Variants in CSMD1 observed in about 807,000 individuals in gnomAD.
CSMD1 encodes the protein CUB and Sushi multiple domains 1.
In CSMD1, 213 loss-of-function variants were observed where a neutral mutation model predicts 417.5. The ratio of observed to expected loss-of-function variants is 0.51; its 90% CI spans 0.46 to 0.57. The LOEUF (loss-of-function observed/expected upper bound fraction) is 0.57, where lower values mean the gene tolerates loss of function less well. Among genes scored for constraint, CSMD1 ranks in the 20% least tolerant of loss-of-function variants. The pLI is 0.00. For missense variants in CSMD1, 6,923 were observed against 4,529.7 expected (o/e 1.53, Z -15.17); for synonymous variants, 2,862 against 1,736.8 (o/e 1.65, Z -16.11).
intron 2 of CSMD1, among the ~76,000 whole-genome samples, chr8:4,475,951 C>T (rs987362304): frequency 2.0e-5 from 3 of 152,016 alleles, no homozygotes; most frequent in Non-Finnish European, 2.9e-5. Flanking sequence ...CTGTTGGTTT[C>T]ATTTTGTTGT....
At chr8:3,827,315 T>C (rs142510057) in intron 5 of CSMD1, among the ~76,000 whole-genome samples, 1 of 152,222 alleles carries the variant, frequency 6.6e-6, no homozygotes, top group African/African-American at 2.4e-5. Context: ...AAAGGCTCTA[T>C]ATAAAAGAAT....
chr8:4,793,164 T>A (rs762061592), intron 1 of CSMD1, among the ~76,000 whole-genome samples: 1 of 152,134 alleles, frequency 6.6e-6, no homozygotes, highest in Non-Finnish European at 1.5e-5. Flanking sequence ...TAACCTTCAA[T>A]GTCCTTGATC....
chr8:3,609,290 C>A (rs1426787648), intron 8 of CSMD1, among the ~76,000 whole-genome samples: 2 of 152,208 alleles, frequency 1.3e-5, no homozygotes, highest in Non-Finnish European at 2.9e-5. Context: ...CAATACCAAT[C>A]TGAGCTCCCT....
At chr8:3,260,355 T>C (rs1347598394) in intron 26 of CSMD1, among the ~76,000 whole-genome samples, 2 of 152,036 alleles carry the variant, frequency 1.3e-5, no homozygotes, top group African/African-American at 4.8e-5. Context: ...AGCTGGAGTT[T>C]TGTGTCGGGT....
chr8:3,075,339 C>A (rs887624965), intron 49 of CSMD1, among the ~76,000 whole-genome samples: 1 of 147,938 alleles, frequency 6.8e-6, no homozygotes, highest in Non-Finnish European at 1.5e-5. Context: ...TGGAGTGCAA[C>A]GGTGTGATCT....
intron 5 of CSMD1, among the ~76,000 whole-genome samples, chr8:3,894,609 A>T (rs1300919733): frequency 6.6e-6 from 1 of 152,224 alleles, no homozygotes; most frequent in Non-Finnish European, 1.5e-5. Context: ...CTATTTACAG[A>T]AAATAAATGC....
chr8:3,879,734 G>T (rs886470378), intron 5 of CSMD1, among the ~76,000 whole-genome samples: 3 of 151,896 alleles, frequency 2.0e-5, no homozygotes, highest in Non-Finnish European at 2.9e-5. Flanking sequence ...TAGAAAAAGT[G>T]TTGCATGTGG....
chr8:3,999,754 G>T (rs1345888454), intron 4 of CSMD1, among the ~76,000 whole-genome samples: 1 of 152,092 alleles, frequency 6.6e-6, no homozygotes, highest in Non-Finnish European at 1.5e-5. Flanking sequence ...AGGTACACTT[G>T]GAGGAAAATT....
rs1554488620 is a variant in CSMD1 at position 3,926,096 on chromosome 8, C to CACACACAAACACCATACAT, written c.818+71806_818+71807insATGTATGGTGTTTGTGTGT. 1.1e-3 allele frequency among the ~76,000 whole-genome samples: 86 copies of CACACACAAACACCATACAT among 81,176 alleles called. 1 individual carries two copies. Among genetic ancestry groups the CACACACAAACACCATACAT allele is most frequent in the African/African-American group, 4.4e-3 (83 of 18,914 alleles). The allele number at this position is 81,176 out of a possible 152,430, so 53.3% of individuals were successfully genotyped here. A position where few individuals can be genotyped will look rare whatever the true frequency, so the allele number is the denominator to read the frequency against. ...CACAAACACCATACACACACACACA[C>CACACACAAACACCATACAT]ACACACACACACACACACACACACA... On this transcript the variant is annotated intron_variant, in intron 5 of 69. Transcript: ENST00000635120.
intron 10 of CSMD1, among the ~76,000 whole-genome samples, chr8:3,569,120 C>T (rs889210462): frequency 1.3e-5 from 2 of 152,084 alleles, no homozygotes; most frequent in African/African-American, 4.8e-5. Context: ...ATGAGCTGTT[C>T]CAATTGTTTA....
chr8:3,389,055 G>T (rs1811188675), intron 17 of CSMD1, among the ~76,000 whole-genome samples: 1 of 152,124 alleles, frequency 6.6e-6, no homozygotes, highest in African/African-American at 2.4e-5. Context: ...GATTTTTGTT[G>T]TTGTTGTTTA....
At chr8:3,287,521 C>T (rs923612556) in intron 25 of CSMD1, among the ~76,000 whole-genome samples, 6 of 152,056 alleles carry the variant, frequency 3.9e-5, no homozygotes, top group Non-Finnish European at 5.9e-5. Flanking sequence ...CCTTCACATC[C>T]CTTGTAAGTT....
intron 1 of CSMD1, among the ~76,000 whole-genome samples, chr8:4,837,987 G>A (rs891398954): frequency 1.3e-4 from 20 of 152,156 alleles, no homozygotes; most frequent in African/African-American, 4.6e-4. Context: ...CCAGCAGGGG[G>A]CAGCAGCTCC....
intron 2 of CSMD1, among the ~76,000 whole-genome samples, chr8:4,424,174 A>G (rs1361353169): frequency 2.0e-5 from 3 of 152,058 alleles, no homozygotes; most frequent in African/African-American, 7.2e-5. Context: ...CAAACCAGAA[A>G]AAGATAAGTT....
chr8:3,355,252 C>T (rs956567014), intron 21 of CSMD1, among the ~76,000 whole-genome samples: 2 of 151,920 alleles, frequency 1.3e-5, no homozygotes, highest in Admixed American at 1.3e-4. Flanking sequence ...TGTATACATA[C>T]AGCCCTTTAA....
rs1314503968 is a variant in CSMD1, at chr8:2,965,903, G to A, written c.9152C>T (p.Thr3051Ile). 3.1e-6 allele frequency: 5 copies of A among 1,610,150 alleles called. No individual in the cohort carries two copies. Among genetic ancestry groups the A allele is most frequent in the South Asian group, 1.1e-5 (1 of 89,880 alleles). The stretch of plus-strand genomic sequence containing the variant: ...CACAGTCTTGTTGAAGGTGAAGTCG[G>A]TCCCAAACTGGATGCCATTTGCTAG... ...GTLANGIQFG[T>I]DFTFNKTVSY... is the part of the protein sequence containing the mutation. The change falls in exon 59 of 70, where the codon ACC (threonine) becomes ATC (isoleucine). Residue 3051 changes from threonine to isoleucine, a missense_variant. Transcript: ENST00000635120.
At chr8:3,234,649 A>G (rs1008541971) in intron 26 of CSMD1, among the ~76,000 whole-genome samples, 1 of 152,208 alleles carries the variant, frequency 6.6e-6, no homozygotes, top group South Asian at 2.1e-4. Flanking sequence ...TATTACTCCA[A>G]GAGAAGCCTG....
At chr8:4,037,353 C>A (rs1254266166) in intron 3 of CSMD1, among the ~76,000 whole-genome samples, 1 of 152,192 alleles carries the variant, frequency 6.6e-6, no homozygotes, top group African/African-American at 2.4e-5. Flanking sequence ...TTGAAGTGAG[C>A]ACTTGCTGTA....
chr8:3,755,506 C>T (rs117091237), intron 5 of CSMD1, among the ~76,000 whole-genome samples: 1 of 152,164 alleles, frequency 6.6e-6, no homozygotes, highest in Non-Finnish European at 1.5e-5. Context: ...TTAGCAGGAA[C>T]TTGAACTGTG....
Sources: allele counts gnomAD v4.1 joint callset (sites outside exome capture counted in the v4.1 genomes callset), GRCh38; gene constraint gnomAD v4.1.1; transcripts MANE v1.5; gene names NCBI Gene and HGNC (gene_info 2026-07-23, HGNC 2026-07-21).